The following MICAL3 variants were observed in gnomAD, a reference collection of about 807,000 sequenced individuals.
MICAL3 encodes the protein microtubule associated monooxygenase, calponin and LIM domain containing 3.
In MICAL3, 62 loss-of-function variants were observed where a neutral mutation model predicts 207.4. That is an observed-to-expected ratio of 0.30 (90% CI 0.24 to 0.37). MICAL3 has a LOEUF of 0.37. MICAL3 is among the 10% of genes least tolerant of loss of function. The pLI, the probability that MICAL3 is intolerant of heterozygous loss-of-function variation, is 1.00. For missense variants in MICAL3, 2,368 were observed against 2,635.6 expected (o/e 0.90, Z 2.22); for synonymous variants, 1,077 against 1,069.3 (o/e 1.01, Z -0.14).
At chr22:17,860,561 G>A (rs1423215531) in intron 19 of MICAL3, 1 of 985,412 alleles carries the variant, frequency 1.0e-6, no homozygotes, top group East Asian at 1.1e-4. Flanking sequence ...GACAGCCTAG[G>A]AATGTTCCAG....
chr22:17,975,631 A>G (rs1188908908), intron 1 of MICAL3, among the ~76,000 whole-genome samples: 1 of 152,200 alleles, frequency 6.6e-6, no homozygotes, highest in Non-Finnish European at 1.5e-5. Flanking sequence ...GAGAGCTAAA[A>G]GGGATACAGA....
At chr22:17,967,951 G>C in intron 1 of MICAL3, among the ~76,000 whole-genome samples, 1 of 151,960 alleles carries the variant, frequency 6.6e-6, no homozygotes. Flanking sequence ...CCTGAGGCAG[G>C]AGAATCGCTT....
intron 1 of MICAL3, among the ~76,000 whole-genome samples, chr22:17,935,045 G>A (rs143208030): frequency 1.4e-3 from 206 of 151,966 alleles, no homozygotes; most frequent in African/African-American, 4.8e-3. Context: ...ATCAAGCTAC[G>A]AATGACTTTC....
At chr22:17,828,214 T>G (rs1291055736) in intron 21 of MICAL3, among the ~76,000 whole-genome samples, 1 of 152,176 alleles carries the variant, frequency 6.6e-6, no homozygotes, top group Admixed American at 6.5e-5. Flanking sequence ...GACCCCAGGA[T>G]GCACTATCCT....
At chr22:17,806,751 G>C (rs776184749) in intron 29 of MICAL3, among the ~76,000 whole-genome samples, 1 of 137,604 alleles carries the variant, frequency 7.3e-6, no homozygotes, top group East Asian at 2.0e-4. Flanking sequence ...TGTGAAAAGA[G>C]GTCTGCTGCT....
chr22:17,823,998 T>C (rs898678732), intron 22 of MICAL3, among the ~76,000 whole-genome samples: 19 of 152,186 alleles, frequency 1.2e-4, no homozygotes, highest in Non-Finnish European at 1.6e-4. Context: ...AAGTTCATCC[T>C]CTGGACTCCA....
chr22:17,802,251 G>C (rs1281792036), intron 29 of MICAL3, among the ~76,000 whole-genome samples: 1 of 152,080 alleles, frequency 6.6e-6, no homozygotes, highest in Non-Finnish European at 1.5e-5. Flanking sequence ...TCTTTATAGA[G>C]ACGGGGTTTC....
chr22:17,798,340 G>A (rs1434366625), intron 29 of MICAL3, among the ~76,000 whole-genome samples: 3 of 152,188 alleles, frequency 2.0e-5, no homozygotes, highest in East Asian at 1.9e-4. Context: ...AGAGCCCCAA[G>A]GTTAACGTCT....
intron 1 of MICAL3, among the ~76,000 whole-genome samples, chr22:17,993,551 T>C (rs2146468163): frequency 6.6e-6 from 1 of 152,200 alleles, no homozygotes; most frequent in African/African-American, 2.4e-5. Flanking sequence ...TCTTCATCTT[T>C]TCCAGGAGCA....
chr22:17,844,955 T>C (rs937670587), intron 19 of MICAL3, among the ~76,000 whole-genome samples: 1 of 152,176 alleles, frequency 6.6e-6, no homozygotes, highest in Admixed American at 6.6e-5. Context: ...AATACCAGTC[T>C]TCCCATCCCT....
chr22:17,918,089 T>C (rs1268463641), intron 1 of MICAL3, among the ~76,000 whole-genome samples: 2 of 152,214 alleles, frequency 1.3e-5, no homozygotes, highest in African/African-American at 4.8e-5. Flanking sequence ...CAGCCATGAC[T>C]TCCCATCTCA....
intron 29 of MICAL3, among the ~76,000 whole-genome samples, chr22:17,798,963 G>A (rs9605408): frequency 0.54 from 81,345 of 151,868 alleles, 22,917 homozygotes; most frequent in East Asian, 0.63. Flanking sequence ...GGGAGCCACC[G>A]TGCCCGGCCA....
At chr22:17,950,353 T>TTC (rs1272590505) in intron 1 of MICAL3, among the ~76,000 whole-genome samples, 16 of 146,932 alleles carry the variant, frequency 1.1e-4, no homozygotes, top group African/African-American at 4.1e-4. Context: ...TTTTTTTTTT[T>TTC]TTTTTTTGAG....
chr22:17,989,849 T>C (rs917839359), intron 1 of MICAL3, among the ~76,000 whole-genome samples: 2 of 152,208 alleles, frequency 1.3e-5, no homozygotes, highest in African/African-American at 4.8e-5. Flanking sequence ...ATAATAGATT[T>C]TCAAGAAGTA....
chr22:17,911,170 C>T (rs1021008069), intron 1 of MICAL3, among the ~76,000 whole-genome samples: 7 of 152,082 alleles, frequency 4.6e-5, no homozygotes, highest in African/African-American at 9.7e-5. Flanking sequence ...ACTGCAGAGA[C>T]GGCCTCTGAA....
intron 3 of MICAL3, among the ~76,000 whole-genome samples, chr22:17,904,205 A>C (rs766087928): frequency 1.3e-5 from 2 of 152,232 alleles, no homozygotes; most frequent in Non-Finnish European, 2.9e-5. Context: ...TTGTTCTTAC[A>C]TTAGTAGAGA....
chr22:17,816,641 G>T (rs528433932), intron 27 of MICAL3, 49 bp downstream of exon 27: 3 of 1,425,514 alleles, frequency 2.1e-6, no homozygotes, highest in South Asian at 2.5e-5. Context: ...GCCCAACAAT[G>T]AACAGACAGG....
intron 16 of MICAL3, chr22:17,879,335 T>A: frequency 1.2e-6 from 2 of 1,604,716 alleles, no homozygotes; most frequent in Non-Finnish European, 1.7e-6. Context: ...CACGGGTTCA[T>A]GCTCTTTTAC....
chr22:17,955,740 C>T (rs1231689713), intron 1 of MICAL3, among the ~76,000 whole-genome samples: 1 of 152,192 alleles, frequency 6.6e-6, no homozygotes, highest in Non-Finnish European at 1.5e-5. Flanking sequence ...CTATGCACCT[C>T]AATATGTCAG....
Sources: gnomAD v4.1 joint callset for allele counts (sites outside exome capture counted in the v4.1 genomes callset) on GRCh38, gnomAD v4.1.1 for gene constraint, MANE v1.5 for transcripts, NCBI Gene and HGNC (gene_info 2026-07-23, HGNC 2026-07-21) for gene names.